Variants in CDH13 observed in about 807,000 individuals in gnomAD.
CDH13 encodes cadherin 13, also known as cadherin-13.
Under a neutral mutation model 63.8 loss-of-function variants are expected in CDH13, and 24 were observed. The observed-to-expected ratio is 0.38, with a 90% CI of 0.27 to 0.53. The LOEUF (loss-of-function observed/expected upper bound fraction) is 0.53, where lower values mean the gene tolerates loss of function less well. Among genes scored for constraint, CDH13 ranks in the 20% least tolerant of loss-of-function variants. The pLI is 0.85. For missense variants in CDH13, 1,049 were observed against 903.1 expected (o/e 1.16, Z -2.07); for synonymous variants, 503 against 355.3 (o/e 1.42, Z -4.67).
intron 1 of CDH13, among the ~76,000 whole-genome samples, chr16:82,743,655 C>T (rs1221193927): frequency 2.0e-5 from 3 of 152,194 alleles, no homozygotes; most frequent in Admixed American, 6.5e-5. Context: ...AGACCCAACA[C>T]TCAGCATTCT....
chr16:82,977,302 C>T (rs535653881), intron 2 of CDH13, among the ~76,000 whole-genome samples: 2 of 152,082 alleles, frequency 1.3e-5, no homozygotes, highest in Admixed American at 6.5e-5. Context: ...ACAGTGAGGG[C>T]CAGGGTATTA....
chr16:82,786,828 A>C (rs182198702), intron 1 of CDH13, among the ~76,000 whole-genome samples: 101 of 152,200 alleles, frequency 6.6e-4, no homozygotes, highest in African/African-American at 2.2e-3. Flanking sequence ...TACAAAGGTC[A>C]TGAACTCATC....
intron 2 of CDH13, among the ~76,000 whole-genome samples, chr16:82,877,927 A>ACACACACACT: frequency 7.9e-6 from 1 of 127,022 alleles, no homozygotes; most frequent in African/African-American, 3.1e-5. Flanking sequence ...ACACATAGAC[A>ACACACACACT]CACACACACA....
chr16:83,681,668 G>C (rs1043249420), intron 10 of CDH13, among the ~76,000 whole-genome samples: 25 of 152,118 alleles, frequency 1.6e-4, no homozygotes, highest in Admixed American at 1.0e-3. Flanking sequence ...GACAGGTTGA[G>C]CTATTGTCAT....
chr16:83,669,474 A>T (rs913828859), intron 8 of CDH13, among the ~76,000 whole-genome samples: 12 of 152,190 alleles, frequency 7.9e-5, no homozygotes, highest in Admixed American at 6.5e-4. Context: ...TCAGATCAAA[A>T]TAATTGCACC....
At chr16:83,695,070 G>C (rs1225614281) in intron 10 of CDH13, among the ~76,000 whole-genome samples, 1 of 152,052 alleles carries the variant, frequency 6.6e-6, no homozygotes, top group Non-Finnish European at 1.5e-5. Context: ...AGCCAGGTGT[G>C]GTGGCGCGTG....
intron 8 of CDH13, among the ~76,000 whole-genome samples, chr16:83,613,634 C>T (rs146240247): frequency 7.2e-5 from 11 of 152,210 alleles, no homozygotes; most frequent in Non-Finnish European, 1.3e-4. Context: ...AGTTCAACAC[C>T]AGCCTGGCCA....
intron 6 of CDH13, among the ~76,000 whole-genome samples, chr16:83,472,630 T>G (rs1398836064): frequency 6.6e-6 from 1 of 152,202 alleles, no homozygotes; most frequent in South Asian, 2.1e-4. Flanking sequence ...TTGGTCTCTC[T>G]TCTGCCAGGT....
intron 1 of CDH13, among the ~76,000 whole-genome samples, chr16:82,728,441 T>C (rs8058967): frequency 0.41 from 51,877 of 127,364 alleles, 9,193 homozygotes; most frequent in Middle Eastern, 0.48. Flanking sequence ...AAGAGAGGCA[T>C]ACAATTTTTT....
At chr16:83,622,394 A>G (rs898311127) in intron 8 of CDH13, among the ~76,000 whole-genome samples, 6 of 152,190 alleles carry the variant, frequency 3.9e-5, no homozygotes, top group Admixed American at 3.9e-4. Flanking sequence ...TCAGGCCCCC[A>G]AAAGACCAGC....
At chr16:82,732,200 T>C (rs917281901) in intron 1 of CDH13, among the ~76,000 whole-genome samples, 4 of 152,216 alleles carry the variant, frequency 2.6e-5, no homozygotes, top group Admixed American at 2.6e-4. Flanking sequence ...CCATCTTCTT[T>C]ATCATCGTGT....
At chr16:83,288,177 T>C (rs2089370423) in intron 5 of CDH13, among the ~76,000 whole-genome samples, 1 of 152,178 alleles carries the variant, frequency 6.6e-6, no homozygotes, top group African/African-American at 2.4e-5. Flanking sequence ...GGTGCCTCCT[T>C]TGAGATGGTG....
At chr16:83,043,935 C>A (rs1917555640) in intron 3 of CDH13, among the ~76,000 whole-genome samples, 1 of 151,994 alleles carries the variant, frequency 6.6e-6, no homozygotes. Context: ...ATGCTTAAGG[C>A]ACATCTCAAT....
intron 2 of CDH13, chr16:82,858,978 A>G (rs1275153207): frequency 6.4e-6 from 1 of 155,742 alleles, no homozygotes; most frequent in Non-Finnish European, 1.4e-5. Flanking sequence ...CAAAACCTCT[A>G]CTGATTATTC....
At chr16:83,282,860 G>C (rs1414401930) in intron 5 of CDH13, among the ~76,000 whole-genome samples, 1 of 152,120 alleles carries the variant, frequency 6.6e-6, no homozygotes, top group African/African-American at 2.4e-5. Context: ...TTGAGCAATT[G>C]ACCTCTGTGG....
intron 1 of CDH13, among the ~76,000 whole-genome samples, chr16:82,777,574 C>T (rs935051569): frequency 4.6e-5 from 7 of 152,202 alleles, no homozygotes; most frequent in African/African-American, 2.4e-5. Context: ...TATTAGTAAT[C>T]TATGGTTATA....
At chr16:82,821,057 G>A (rs1050186490) in intron 1 of CDH13, among the ~76,000 whole-genome samples, 1 of 152,166 alleles carries the variant, frequency 6.6e-6, no homozygotes, top group Admixed American at 6.5e-5. Flanking sequence ...CTGGAGACCA[G>A]CTGCTGTCAG....
At chr16:83,055,953 G>C (rs1451296555) in intron 3 of CDH13, among the ~76,000 whole-genome samples, 1 of 151,998 alleles carries the variant, frequency 6.6e-6, no homozygotes, top group African/African-American at 2.4e-5. Flanking sequence ...GTAATATATG[G>C]GTCTATTACA....
At chr16:82,722,032 C>A (rs955914071) in intron 1 of CDH13, among the ~76,000 whole-genome samples, 2 of 152,088 alleles carry the variant, frequency 1.3e-5, no homozygotes, top group African/African-American at 2.4e-5. Flanking sequence ...CTGGGCCCAT[C>A]GGGAGGCAGG....
Sources: allele counts gnomAD v4.1 joint callset (sites outside exome capture counted in the v4.1 genomes callset), GRCh38; gene constraint gnomAD v4.1.1; transcripts MANE v1.5; gene names NCBI Gene and HGNC (gene_info 2026-07-23, HGNC 2026-07-21).